Variants in SCHIP1 observed in about 807,000 individuals in gnomAD.
The protein encoded by SCHIP1 is schwannomin interacting protein 1, also known as schwannomin-interacting protein 1.
In SCHIP1, 8 loss-of-function variants were observed where a neutral mutation model predicts 29.7. The observed-to-expected ratio is 0.27, with a 90% CI of 0.16 to 0.49. SCHIP1 has a LOEUF of 0.49. SCHIP1 is among the 20% of genes least tolerant of loss of function. SCHIP1 has a pLI of 0.99. For synonymous variants in SCHIP1, 76 were observed against 94.9 expected (o/e 0.80, Z 1.16); for missense variants, 193 against 294.6 (o/e 0.66, Z 2.52).
chr3:159,569,801 C>T, the SCHIP1 span, among the ~76,000 whole-genome samples: 16 of 152,258 alleles, frequency 1.1e-4, no homozygotes, highest in African/African-American at 3.9e-4. Context: ...AAAAGCTTTC[C>T]TATTTCTCCA....
chr3:159,283,402 C>T, the SCHIP1 span, among the ~76,000 whole-genome samples: 3,783 of 152,250 alleles, frequency 0.025, 157 homozygotes, highest in African/African-American at 0.086. Context: ...ATCCGCCGCC[C>T]GCCTTGGCCT....
At chr3:159,838,837 T>C (rs1743925217), upstream of SCHIP1, among the ~76,000 whole-genome samples, 1 of 146,498 alleles carries the variant, frequency 6.8e-6, no homozygotes, top group African/African-American at 2.5e-5. Flanking sequence ...GAGCTTGCAG[T>C]GAGCTCAGAT....
chr3:159,747,320 C>T, the SCHIP1 span, among the ~76,000 whole-genome samples: 1 of 152,280 alleles, frequency 6.6e-6, no homozygotes, highest in African/African-American at 2.4e-5. Context: ...GCTACATAAC[C>T]CAATCTTCCT....
the SCHIP1 span, among the ~76,000 whole-genome samples, chr3:159,789,481 A>G: frequency 3.9e-5 from 6 of 152,234 alleles, no homozygotes; most frequent in African/African-American, 1.4e-4. Flanking sequence ...AAAATTAACC[A>G]TAATCCCCCA....
chr3:159,840,016 G>A, exon 1 of SCHIP1: 1 of 1,446,012 alleles, frequency 6.9e-7, no homozygotes, highest in Non-Finnish European at 9.0e-7. Flanking sequence ...CCCGGCACAG[G>A]CAGTGCCACT....
At chr3:159,880,102 T>C (rs1716284086) in intron 2 of SCHIP1, among the ~76,000 whole-genome samples, 1 of 152,214 alleles carries the variant, frequency 6.6e-6, no homozygotes. Flanking sequence ...CTTCATCAGC[T>C]TCTGCTGAGG....
At chr3:159,357,944 C>G in the SCHIP1 span, among the ~76,000 whole-genome samples, 15 of 152,206 alleles carry the variant, frequency 9.9e-5, no homozygotes, top group African/African-American at 3.6e-4. Context: ...GGCTAAAGAA[C>G]AGCTGATTCT....
chr3:159,659,251 G>C, the SCHIP1 span, among the ~76,000 whole-genome samples: 77 of 152,272 alleles, frequency 5.1e-4, no homozygotes, highest in African/African-American at 1.7e-3. Context: ...CCTTGGGCTT[G>C]GTTTCAGGAC....
the SCHIP1 span, among the ~76,000 whole-genome samples, chr3:159,556,075 AAAAC>A: frequency 2.2e-4 from 33 of 152,340 alleles, no homozygotes; most frequent in Middle Eastern, 0.01. Flanking sequence ...TTACAAGAAA[AAAAC>A]AAACAACCAC....
the SCHIP1 span, among the ~76,000 whole-genome samples, chr3:159,389,293 AT>A: frequency 6.6e-6 from 1 of 152,014 alleles, no homozygotes; most frequent in Non-Finnish European, 1.5e-5. Flanking sequence ...CAAAAATTTT[AT>A]TTTATATATT....
chr3:159,295,638 G>T, the SCHIP1 span, among the ~76,000 whole-genome samples: 5 of 152,062 alleles, frequency 3.3e-5, no homozygotes, highest in Admixed American at 3.3e-4. Flanking sequence ...CCTGCTTCCA[G>T]GTCCCATCTC....
chr3:159,669,060 G>A, the SCHIP1 span, among the ~76,000 whole-genome samples: 1 of 152,158 alleles, frequency 6.6e-6, no homozygotes, highest in Non-Finnish European at 1.5e-5. Flanking sequence ...GGGCTGCATG[G>A]GGTGTTTAGG....
the SCHIP1 span, among the ~76,000 whole-genome samples, chr3:159,503,463 T>C: frequency 6.6e-6 from 1 of 152,180 alleles, no homozygotes; most frequent in Non-Finnish European, 1.5e-5. Flanking sequence ...TTTCAATACA[T>C]GTACATATCC....
At chr3:159,879,350 A>T (rs1170400643) in intron 2 of SCHIP1, among the ~76,000 whole-genome samples, 2 of 151,554 alleles carry the variant, frequency 1.3e-5, no homozygotes, top group Non-Finnish European at 2.9e-5. Flanking sequence ...ACATCTCAAG[A>T]CGGACTTTCC....
chr3:159,401,255 G>C, the SCHIP1 span: 2 of 887,520 alleles, frequency 2.3e-6, no homozygotes, highest in African/African-American at 3.6e-5. Context: ...AAATATCCAG[G>C]TTTCTAGTAA....
the SCHIP1 span, among the ~76,000 whole-genome samples, chr3:159,777,463 A>G: frequency 2.0e-5 from 3 of 152,196 alleles, no homozygotes; most frequent in African/African-American, 7.2e-5. Context: ...GGAAAAAAAC[A>G]AGACCCACTA....
At chr3:159,607,280 C>A in the SCHIP1 span, among the ~76,000 whole-genome samples, 3,160 of 152,268 alleles carry the variant, frequency 0.021, 109 homozygotes, top group African/African-American at 0.073. Context: ...TGTTTACACA[C>A]CTTATCTTCT....
At chr3:159,737,538 C>T in the SCHIP1 span, among the ~76,000 whole-genome samples, 3 of 152,170 alleles carry the variant, frequency 2.0e-5, no homozygotes, top group African/African-American at 7.2e-5. Flanking sequence ...TGAAGTATAG[C>T]CATCTCACCA....
chr3:159,872,714 C>T (rs780704120), intron 2 of SCHIP1, among the ~76,000 whole-genome samples: 9 of 152,150 alleles, frequency 5.9e-5, no homozygotes, highest in Non-Finnish European at 1.0e-4. Flanking sequence ...CTACATATTT[C>T]TAAGAAATAT....
Sources: allele counts gnomAD v4.1 joint callset (sites outside exome capture counted in the v4.1 genomes callset), GRCh38; gene constraint gnomAD v4.1.1; transcripts MANE v1.5; gene names NCBI Gene and HGNC (gene_info 2026-07-23, HGNC 2026-07-21).